Variants in FBXO48 observed in about 807,000 individuals in gnomAD.
FBXO48 encodes the protein F-box only protein 48.
FBXO48 carries 12 observed loss-of-function variants against 14.3 expected under a neutral mutation model. That is an observed-to-expected ratio of 0.84 (90% confidence interval 0.54 to 1.36). FBXO48 has a LOEUF of 1.36. Among genes scored for constraint, FBXO48 ranks in the 40% most tolerant of loss-of-function variants. The probability of loss-of-function intolerance (pLI) is 0.00; values close to 1 mark genes in which losing one functional copy is unlikely to be tolerated. For missense variants in FBXO48, 177 were observed against 179.1 expected (o/e 0.99, Z 0.07); for synonymous variants, 53 against 61.7 (o/e 0.86, Z 0.66).
chr2:68,460,680 G>C lies in FBXO48; in HGVS notation c.*3529C>G, dbSNP rs945866228. The C allele has an allele frequency of 6.6e-6, 1 of 152,164 alleles. No individual in the cohort carries two copies. Among genetic ancestry groups the C allele is most frequent in the South Asian group, 2.1e-4 (1 of 4,826 alleles). The allele number at this position is 152,164 out of a possible 1,614,324, so 9.4% of individuals were successfully genotyped here. The stretch of plus-strand genomic sequence containing the variant: ...AGCACCAACAATGGTAGCTGACATA[G>C]GAGTTGTAGATGGGATCACCAAGGA... On this transcript the variant is annotated 3_prime_UTR_variant, in exon 4 of 4. Coordinates refer to ENST00000377957, the MANE Select transcript of FBXO48 (RefSeq NM_001024680.3).
Position 68,464,152 on chromosome 2 carries a change from A to T in FBXO48, c.*57T>A, listed in dbSNP as rs1675334165. The T allele has an allele frequency of 6.6e-7, 1 of 1,510,336 alleles. No homozygotes were observed. Among genetic ancestry groups the T allele is most frequent in the Non-Finnish European group, 9.2e-7 (1 of 1,092,600 alleles). 93.6% of individuals were successfully genotyped at this position (1,510,336 alleles called of 1,614,324 possible). On this transcript the variant is annotated 3_prime_UTR_variant, in exon 4 of 4. Coordinates refer to ENST00000377957, the MANE Select transcript of FBXO48 (RefSeq NM_001024680.3). ...AATAAAGATATCGCTTTTGCAACCT[A>T]AGAGTCATTTAAGTTTTAAACTTTC...
intron 3 of FBXO48, 52 bp downstream of exon 3, chr2:68,464,788 C>A: frequency 7.2e-7 from 1 of 1,379,690 alleles, no homozygotes; most frequent in South Asian, 1.2e-5. Flanking sequence ...TGGCGCAAAC[C>A]TGCTATCATA....
At chr2:68,465,336 C>G (rs1198523012) in intron 2 of FBXO48, among the ~76,000 whole-genome samples, 158 bp from the exon 3 acceptor site, 1 of 151,950 alleles carries the variant, frequency 6.6e-6, no homozygotes, top group Non-Finnish European at 1.5e-5. Context: ...AAAGTTCTTG[C>G]AAGGATTAAC....
rs1417944363 is a variant in FBXO48 at position 68,462,585 on chromosome 2, T to C, written c.*1624A>G. The C allele has an allele frequency of 6.6e-6, 1 of 152,310 alleles. No individual in the cohort carries two copies. Among genetic ancestry groups the C allele is most frequent in the African/African-American group, 2.4e-5 (1 of 41,462 alleles). The allele number at this position is 152,310 out of a possible 1,614,324, so 9.4% of individuals were successfully genotyped here. A position where few individuals can be genotyped will look rare whatever the true frequency, so the allele number is the denominator to read the frequency against. On this transcript the variant is annotated 3_prime_UTR_variant, in exon 4 of 4. Transcript: ENST00000377957. ...GTTGACCAGGCTGGTCTTGAACTTC[T>C]GACCTGAGGTGATCCACCCACCTTG...
In FBXO48 at chr2:68,463,278, T is replaced by G. The variant is rs186955425; in HGVS notation, c.*931A>C. 1 of 152,264 alleles carries G rather than the reference T, an allele frequency of 6.6e-6. No individual in the cohort carries two copies. The allele number at this position is 152,264 out of a possible 1,614,324, so 9.4% of individuals were successfully genotyped here. A position where few individuals can be genotyped will look rare whatever the true frequency, so the allele number is the denominator to read the frequency against. On this transcript the variant is annotated 3_prime_UTR_variant, in exon 4 of 4. Transcript: ENST00000377957. The stretch of plus-strand genomic sequence containing the variant: ...CAGATTCAGAATAAACAATTTGTTA[T>G]AGTGAGTAGCATATAATCTGTTTTT...
rs1394256635 is a variant in FBXO48, at chr2:68,460,432, T to C, written c.*3777A>G. The C allele has an allele frequency of 2.0e-5, 3 of 152,150 alleles. No homozygotes were observed. The highest frequency in any genetic ancestry group is 2.0e-4 in the Admixed American group (3 of 15,282). The allele number at this position is 152,150 out of a possible 1,614,324, so 9.4% of individuals were successfully genotyped here. On this transcript the variant is annotated 3_prime_UTR_variant, in exon 4 of 4. Transcript: ENST00000377957. ...AATATGGTGATTTTCTAACAGGACA[T>C]GCCATTCACTGAGATAGGAACTGGA...
chr2:68,465,512 C>T (rs963230954), intron 2 of FBXO48, among the ~76,000 whole-genome samples: 14 of 149,494 alleles, frequency 9.4e-5, no homozygotes, highest in Admixed American at 2.7e-4. Context: ...CAGCGTACCC[C>T]GCCCCTCTTT....
In FBXO48 at chr2:68,464,864, A is replaced by G. The variant is rs2103854443; in HGVS notation, c.282T>C (p.Asp94=). The change falls in exon 3 of 4, where the codon GAT becomes GAC. Residue 94 remains aspartate, a synonymous_variant. Transcript: ENST00000377957. The stretch of plus-strand genomic sequence containing the variant: ...CCCTCCAGGAATAACCACTTTCTAG[A>G]TCATCATCTATTTCTCTTCGGCACA... ...RAVCRREIDD[D]LESGYSWRVI... 1 of 1,612,454 alleles carries G rather than the reference A, an allele frequency of 6.2e-7. No individual in the cohort carries two copies. The highest frequency in any genetic ancestry group is 1.7e-5 in the Admixed American group (1 of 60,002).
At chr2:68,466,910 A>G (rs1675432300) in intron 1 of FBXO48, among the ~76,000 whole-genome samples, 1 of 151,992 alleles carries the variant, frequency 6.6e-6, no homozygotes, top group African/African-American at 2.4e-5. Context: ...CCTTTCAACT[A>G]TCATTCGGAG....
chr2:68,466,662 T>G (rs1343627410), intron 1 of FBXO48, among the ~76,000 whole-genome samples, 192 bp from the exon 2 acceptor site: 1 of 152,214 alleles, frequency 6.6e-6, no homozygotes, highest in Non-Finnish European at 1.5e-5. Context: ...TATCCACTTC[T>G]CCCAGGATCT....
At position 68,465,111 on chromosome 2, in the gene FBXO48, CTTAAA is replaced by C. The variant is rs759680732; in HGVS notation, c.30_34del (p.Asn10LysfsTer13). 3.7e-6 allele frequency: 6 copies of C among 1,610,850 alleles called. No individual in the cohort carries two copies. Among genetic ancestry groups the C allele is most frequent in the African/African-American group, 2.7e-5 (2 of 74,704 alleles). On this transcript the variant is annotated frameshift_variant, in exon 3 of 4. Coordinates refer to ENST00000377957, the MANE Select transcript of FBXO48 (RefSeq NM_001024680.3). LOFTEE classifies it high-confidence loss of function. The stretch of plus-strand genomic sequence containing the variant: ...AGAGTTCGCTTCTGTGTGAGAAACT[CTTAAA>C]TTATTGTTTCTCTTGGAGTTTTTAT...
rs1250335289 is a variant in FBXO48, at chr2:68,460,251, G to A, written c.*3958C>T. On this transcript the variant is annotated 3_prime_UTR_variant, in exon 4 of 4. Transcript: ENST00000377957. The stretch of plus-strand genomic sequence containing the variant: ...GAACTGGAGGCAGGAACACCAGTAA[G>A]AGGTTATTTTAGAAATCCCAATGTC... 1 of 152,210 alleles carries A rather than the reference G, an allele frequency of 6.6e-6. No individual in the cohort carries two copies. Among genetic ancestry groups the A allele is most frequent in the African/African-American group, 2.4e-5 (1 of 41,464 alleles). 9.4% of individuals were successfully genotyped at this position (152,210 alleles called of 1,614,324 possible).
chr2:68,460,112 T>C lies in FBXO48; in HGVS notation c.*4097A>G, dbSNP rs1436941034. The C allele has an allele frequency of 2.6e-5, 4 of 152,188 alleles. No individual in the cohort carries two copies. Among genetic ancestry groups the C allele is most frequent in the Admixed American group, 6.6e-5 (1 of 15,266 alleles). The allele number at this position is 152,188 out of a possible 1,614,324, so 9.4% of individuals were successfully genotyped here. On this transcript the variant is annotated 3_prime_UTR_variant, in exon 4 of 4. Coordinates refer to ENST00000377957, the MANE Select transcript of FBXO48 (RefSeq NM_001024680.3). Reference sequence around the variant, plus strand: ...CCAGACCACATCATTAAAGGCCCTATGGGCTTTAGTGGGGAATTTTGATTT... The same window carrying C: ...CCAGACCACATCATTAAAGGCCCTACGGGCTTTAGTGGGGAATTTTGATTT...
chr2:68,465,819 A>T (rs567170805), intron 2 of FBXO48, among the ~76,000 whole-genome samples: 1 of 152,310 alleles, frequency 6.6e-6, no homozygotes, highest in African/African-American at 2.4e-5. Context: ...CTGGACTTCT[A>T]GTTGTTTATA....
At chr2:68,464,751 C>A in intron 3 of FBXO48, 89 bp downstream of exon 3, 1 of 939,746 alleles carries the variant, frequency 1.1e-6, no homozygotes, top group Non-Finnish European at 1.6e-6. Context: ...ATATGTAATT[C>A]TGACTCCTCC....
In FBXO48 at chr2:68,466,748, G is replaced by A. The variant is rs538563957; in HGVS notation, c.-360-278C>T. Among the ~76,000 whole-genome samples, 7 of 152,246 alleles carry A rather than the reference G, an allele frequency of 4.6e-5. No individual in the cohort carries two copies. The South Asian group carries it at 1.5e-3, about 32-fold the overall frequency. On this transcript the variant is annotated intron_variant, in intron 1 of 3. Transcript: ENST00000377957. ...AAGGCTTTTGAATTTCACAGCAGGG[G>A]ATACCTTTGCGAGTTTCTAAAATCC...
chr2:68,466,492 T>A (rs1675417652), intron 1 of FBXO48, 22 bp from the exon 2 acceptor site: 1 of 152,112 alleles, frequency 6.6e-6, no homozygotes, highest in African/African-American at 2.4e-5. Flanking sequence ...TTAGGAGAAG[T>A]AAGAAAGCAA....
In FBXO48 at chr2:68,467,192, G is replaced by A. The variant is rs984057037; in HGVS notation, c.-361+19C>T. On this transcript the variant is annotated intron_variant, in intron 1 of 3. Coordinates refer to ENST00000377957, the MANE Select transcript of FBXO48 (RefSeq NM_001024680.3). Reference sequence around the variant, plus strand: ...CGTAGACACCTAAGCCAACGGGAACGGAAGACCCTTCTACCTACTAGGCCG... The same window carrying A: ...CGTAGACACCTAAGCCAACGGGAACAGAAGACCCTTCTACCTACTAGGCCG... 3 of 152,276 alleles carry A rather than the reference G, an allele frequency of 2.0e-5. No homozygotes were observed. In the East Asian group the frequency reaches 5.8e-4, roughly 29 times the overall value. The allele number at this position is 152,276 out of a possible 1,614,324, so 9.4% of individuals were successfully genotyped here. A position where few individuals can be genotyped will look rare whatever the true frequency, so the allele number is the denominator to read the frequency against.
rs1415709166 is a variant in FBXO48 at position 68,459,566 on chromosome 2, A to G, written c.*4643T>C. The G allele has an allele frequency of 6.6e-6, 1 of 152,166 alleles. No homozygotes were observed. The highest frequency in any genetic ancestry group is 1.5e-5 in the Non-Finnish European group (1 of 68,012). The allele number at this position is 152,166 out of a possible 1,614,324, so 9.4% of individuals were successfully genotyped here. On this transcript the variant is annotated 3_prime_UTR_variant, in exon 4 of 4. Coordinates refer to ENST00000377957, the MANE Select transcript of FBXO48 (RefSeq NM_001024680.3). Reference sequence around the variant, plus strand: ...TACTATCAAGCATCCCACATACCTTAAGGATTGTATACTGCATTTTGATAC... The same window carrying G: ...TACTATCAAGCATCCCACATACCTTGAGGATTGTATACTGCATTTTGATAC...
Sources: allele counts gnomAD v4.1 joint callset (sites outside exome capture counted in the v4.1 genomes callset), GRCh38; gene constraint gnomAD v4.1.1; transcripts MANE v1.5; gene names NCBI Gene and HGNC (gene_info 2026-07-23, HGNC 2026-07-21).